Variants in RANBP2 observed in about 807,000 individuals in gnomAD.
RANBP2 encodes E3 SUMO-protein ligase RanBP2.
In RANBP2, 57 loss-of-function variants were observed where a neutral mutation model predicts 303.6. The ratio of observed to expected loss-of-function variants is 0.19; its 90% CI spans 0.15 to 0.23. The LOEUF (loss-of-function observed/expected upper bound fraction) is 0.23, where lower values mean the gene tolerates loss of function less well. Ranked by LOEUF, RANBP2 falls within the 10% of genes least tolerant of loss-of-function variation. The pLI is 1.00. For missense variants in RANBP2, 3,138 were observed against 3,780.8 expected (o/e 0.83, Z 4.46); for synonymous variants, 1,167 against 1,301.5 (o/e 0.90, Z 2.23).
chr2:109,086,227 C>T, the RANBP2 span, among the ~76,000 whole-genome samples: 4 of 152,108 alleles, frequency 2.6e-5, no homozygotes, highest in African/African-American at 9.7e-5. Context: ...AACAGTGCTG[C>T]TGAGCACTCG....
the RANBP2 span, chr2:109,437,061 C>T: frequency 6.2e-7 from 1 of 1,613,820 alleles, no homozygotes; most frequent in African/African-American, 1.3e-5. Flanking sequence ...ACGCCCAGCA[C>T]CCCACAGCCT....
chr2:109,102,478 G>A, the RANBP2 span, among the ~76,000 whole-genome samples: 4 of 151,672 alleles, frequency 2.6e-5, no homozygotes, highest in Non-Finnish European at 5.9e-5. Flanking sequence ...TAAAAGCATC[G>A]CAGAATGTGT....
chr2:108,894,954 T>G, the RANBP2 span: 1 of 152,212 alleles, frequency 6.6e-6, no homozygotes, highest in Non-Finnish European at 1.5e-5. Flanking sequence ...GGGTGCAAGC[T>G]GTTATCCTGG....
chr2:109,069,897 G>T, the RANBP2 span, among the ~76,000 whole-genome samples: 1 of 152,120 alleles, frequency 6.6e-6, no homozygotes, highest in East Asian at 1.9e-4. Context: ...TCCTCATAAC[G>T]CCTATAATCT....
At chr2:109,642,228 C>T in the RANBP2 span, among the ~76,000 whole-genome samples, 2 of 152,176 alleles carry the variant, frequency 1.3e-5, no homozygotes, top group Non-Finnish European at 2.9e-5. Flanking sequence ...TGGCTGCTTT[C>T]AGCTTTATTT....
At chr2:109,582,265 A>G in the RANBP2 span, among the ~76,000 whole-genome samples, 2 of 152,184 alleles carry the variant, frequency 1.3e-5, no homozygotes, top group South Asian at 4.1e-4. Context: ...AAGAATCAAT[A>G]TAGTTAAAAC....
At chr2:109,655,227 G>C in the RANBP2 span, among the ~76,000 whole-genome samples, 4 of 152,120 alleles carry the variant, frequency 2.6e-5, no homozygotes, top group African/African-American at 4.8e-5. Flanking sequence ...TGTTTTACCA[G>C]ATATGTCCTG....
the RANBP2 span, among the ~76,000 whole-genome samples, chr2:109,296,265 T>C: frequency 6.6e-6 from 1 of 151,940 alleles, no homozygotes; most frequent in Non-Finnish European, 1.5e-5. Flanking sequence ...TTCACTCTTA[T>C]TGCCCAGGCT....
At chr2:109,661,219 G>C in the RANBP2 span, among the ~76,000 whole-genome samples, 1 of 150,964 alleles carries the variant, frequency 6.6e-6, no homozygotes, top group Non-Finnish European at 1.5e-5. Flanking sequence ...GAAGGTGAAG[G>C]GGCATGAGGG....
the RANBP2 span, among the ~76,000 whole-genome samples, chr2:109,598,487 A>G: frequency 1.3e-5 from 2 of 152,116 alleles, no homozygotes; most frequent in Admixed American, 6.5e-5. Flanking sequence ...CTTTTTTGGC[A>G]TTCTTTAGGA....
the RANBP2 span, among the ~76,000 whole-genome samples, chr2:109,428,469 C>T: frequency 3.3e-5 from 5 of 152,242 alleles, no homozygotes; most frequent in African/African-American, 1.2e-4. Flanking sequence ...GTCGGCCCAG[C>T]CGCCAGCCTA....
chr2:109,180,699 T>A, the RANBP2 span, among the ~76,000 whole-genome samples: 1 of 152,220 alleles, frequency 6.6e-6, no homozygotes, highest in Non-Finnish European at 1.5e-5. Context: ...GACTTGCTCC[T>A]CCTTTCCTTC....
At chr2:109,400,753 G>A in the RANBP2 span, among the ~76,000 whole-genome samples, 1 of 152,208 alleles carries the variant, frequency 6.6e-6, no homozygotes, top group Non-Finnish European at 1.5e-5. Context: ...TGAGGCTGAG[G>A]TCTGGAATGG....
chr2:108,923,858 C>T, the RANBP2 span, among the ~76,000 whole-genome samples: 1 of 152,246 alleles, frequency 6.6e-6, no homozygotes, highest in Non-Finnish European at 1.5e-5. Flanking sequence ...TCTGTGAGCA[C>T]CCTCCCCAGA....
the RANBP2 span, among the ~76,000 whole-genome samples, chr2:109,336,656 G>A: frequency 6.6e-6 from 1 of 152,252 alleles, no homozygotes; most frequent in Non-Finnish European, 1.5e-5. Flanking sequence ...TTTCTCTGCA[G>A]TGAGACTATT....
At chr2:109,639,802 CT>C in the RANBP2 span, among the ~76,000 whole-genome samples, 2 of 151,390 alleles carry the variant, frequency 1.3e-5, no homozygotes, top group South Asian at 4.2e-4. Context: ...CCTCCACCTC[CT>C]GGGTTCAGAC....
chr2:108,912,867 G>GCCATCACTGCCTC, the RANBP2 span: 1 of 968,092 alleles, frequency 1.0e-6, no homozygotes, highest in Non-Finnish European at 1.6e-6. Context: ...GAATGGGCCT[G>GCCATCACTGCCTC]AGGCAGTGAT....
At chr2:109,664,197 C>T in the RANBP2 span, among the ~76,000 whole-genome samples, 3 of 152,280 alleles carry the variant, frequency 2.0e-5, no homozygotes, top group South Asian at 6.2e-4. Flanking sequence ...TGCCATCACT[C>T]GATTTCCGTA....
intron 12 of RANBP2, among the ~76,000 whole-genome samples, chr2:108,752,627 AAAAAAAAAAG>A (rs1488177181): frequency 2.0e-4 from 29 of 143,014 alleles, no homozygotes; most frequent in South Asian, 6.5e-4. Flanking sequence ...CAAAAAAAAA[AAAAAAAAAAG>A]AAAAAATTAG....
Sources: gnomAD v4.1 joint callset for allele counts (sites outside exome capture counted in the v4.1 genomes callset) on GRCh38, gnomAD v4.1.1 for gene constraint, MANE v1.5 for transcripts, NCBI Gene and HGNC (gene_info 2026-07-23, HGNC 2026-07-21) for gene names.